EFCAB14: variants seen among roughly 807,000 people sequenced by gnomAD.
EFCAB14 encodes the protein EF-hand calcium-binding domain-containing protein 14.
Under a neutral mutation model 56.5 loss-of-function variants are expected in EFCAB14, and 43 were observed. The ratio of observed to expected loss-of-function variants is 0.76; its 90% CI spans 0.60 to 0.98. EFCAB14 has a LOEUF of 0.98. Ranked by LOEUF, EFCAB14 falls within the 50% of genes least tolerant of loss-of-function variation. The pLI, the probability that EFCAB14 is intolerant of heterozygous loss-of-function variation, is 0.00. For missense variants in EFCAB14, 538 were observed against 580.3 expected (o/e 0.93, Z 0.75); for synonymous variants, 235 against 212.9 (o/e 1.10, Z -0.90).
Position 46,678,394 on chromosome 1 carries a change from T to C in EFCAB14, c.*67A>G. On this transcript the variant is annotated 3_prime_UTR_variant, in exon 11 of 11. Transcript: ENST00000371933. ...GAGGACTAGAGGACTGATGGGTAAG[T>C]AAGGGTTGTTTTGTTGTTAGGTAAA... The C allele has an allele frequency of 6.4e-7, 1 of 1,568,670 alleles. No homozygotes were observed.
chr1:46,712,773 C>T (rs562443826), intron 2 of EFCAB14, among the ~76,000 whole-genome samples: 91 of 151,964 alleles, frequency 6.0e-4, no homozygotes, highest in African/African-American at 2.0e-3. Context: ...TTTGGGAGGC[C>T]GAGAAGAGTG....
At chr1:46,685,147 T>G (rs113956143) in intron 8 of EFCAB14, 31 of 152,504 alleles carry the variant, frequency 2.0e-4, no homozygotes, top group African/African-American at 7.5e-4. Context: ...TGGCAGAAAC[T>G]GTTAAGACAT....
At position 46,675,523 on chromosome 1, in the gene EFCAB14, A is replaced by T. The variant is rs1676679660; in HGVS notation, c.*2938T>A. 6.5e-6 allele frequency: 1 copy of T among 152,712 alleles called. No homozygotes were observed. Among genetic ancestry groups the T allele is most frequent in the African/African-American group, 2.4e-5 (1 of 41,464 alleles). 9.5% of individuals were successfully genotyped at this position (152,712 alleles called of 1,614,324 possible). ...GTCACTAAAAACAACTCAACAGGCC[A>T]TTATGAGTATGAGCCCATCACAGCC... On this transcript the variant is annotated 3_prime_UTR_variant, in exon 11 of 11. Coordinates refer to ENST00000371933, the MANE Select transcript of EFCAB14 (RefSeq NM_014774.3).
chr1:46,689,451 CCT>C, intron 6 of EFCAB14, 134 bp downstream of exon 6: 1 of 729,706 alleles, frequency 1.4e-6, no homozygotes, highest in Non-Finnish European at 2.3e-6. Flanking sequence ...AACACACATT[CCT>C]CTCTGCTCAG....
rs367944001 is a variant in EFCAB14 at position 46,686,796 on chromosome 1, G to C, written c.1062C>G (p.Ile354Met). ...QVTNRTDTVK[I>M]QSIKKEDSSN... Reference sequence around the variant, plus strand: ...TCCCATTATTTACCTTTATGCTTTGGATTTTTACTGTATCTGTTCTGTTGG... The same window carrying C: ...TCCCATTATTTACCTTTATGCTTTGCATTTTTACTGTATCTGTTCTGTTGG... Residue 354 changes from isoleucine to methionine, a missense_variant, in exon 8 of 11, where the codon ATC becomes ATG. Ile to Met is a conservative substitution (Grantham distance 10). Transcript: ENST00000371933. 1.2e-6 allele frequency: 2 copies of C among 1,613,608 alleles called. No individual in the cohort carries two copies. The highest frequency in any genetic ancestry group is 1.7e-6 in the Non-Finnish European group (2 of 1,179,770).
At position 46,706,059 on chromosome 1, in the gene EFCAB14, G is replaced by T. The variant is rs1336567465; in HGVS notation, c.480+1847C>A. 4.6e-5 allele frequency among the ~76,000 whole-genome samples: 7 copies of T among 151,978 alleles called. No individual in the cohort carries two copies. The South Asian group carries it at 1.2e-3, about 27-fold the overall frequency. ...ATTTTTATTTTTTTCTAGAGACAGG[G>T]TCTTGCTTTGTTGCCCAGGCTGATC... On this transcript the variant is annotated intron_variant, in intron 3 of 10. Transcript: ENST00000371933.
intron 9 of EFCAB14, 193 bp downstream of exon 9, chr1:46,684,298 A>G (rs948499991): frequency 1.1e-5 from 6 of 553,338 alleles, no homozygotes; most frequent in Non-Finnish European, 1.9e-5. Context: ...TTCCCTTAAT[A>G]GACTAGAGTA....
intron 10 of EFCAB14, 144 bp downstream of exon 10, chr1:46,683,156 A>G: frequency 1.1e-6 from 1 of 897,886 alleles, no homozygotes; most frequent in Non-Finnish European, 1.7e-6. Flanking sequence ...TCAGGATTAT[A>G]TGACATAATG....
intron 2 of EFCAB14, among the ~76,000 whole-genome samples, chr1:46,708,617 A>AG (rs950120440): frequency 4.6e-5 from 7 of 152,240 alleles, no homozygotes; most frequent in African/African-American, 1.7e-4. Flanking sequence ...GTCAACTGCA[A>AG]GGGGGAGGTT....
chr1:46,679,599 G>GTTTTTTTTTTTTTTT (rs60875639), intron 10 of EFCAB14, among the ~76,000 whole-genome samples: 2 of 36,522 alleles, frequency 5.5e-5, no homozygotes, highest in Non-Finnish European at 9.7e-5. Context: ...CACCACGCCT[G>GTTTTTTTTTTTTTTT]TTTTTTTTTT....
intron 3 of EFCAB14, among the ~76,000 whole-genome samples, chr1:46,704,333 G>C (rs1381425301): frequency 6.6e-6 from 1 of 151,990 alleles, no homozygotes; most frequent in Admixed American, 6.6e-5. Flanking sequence ...AAATTAGCCA[G>C]ATATGGTGGT....
intron 3 of EFCAB14, among the ~76,000 whole-genome samples, chr1:46,697,856 T>C (rs35237967): frequency 0.011 from 835 of 73,312 alleles, 5 homozygotes; most frequent in African/African-American, 0.039. Context: ...CTCTCTCTCT[T>C]TTTTTTTTTT....
chr1:46,682,897 C>T (rs1479106684), intron 10 of EFCAB14, among the ~76,000 whole-genome samples: 2 of 152,116 alleles, frequency 1.3e-5, no homozygotes, highest in African/African-American at 4.8e-5. Context: ...TGGTGGCACA[C>T]ACCTGTCCCA....
chr1:46,710,619 T>C (rs1180447976), intron 2 of EFCAB14, among the ~76,000 whole-genome samples: 3 of 152,218 alleles, frequency 2.0e-5, no homozygotes, highest in Non-Finnish European at 4.4e-5. Flanking sequence ...AGTGGCATGA[T>C]CATAGCTCAC....
rs141970827 is a variant in EFCAB14 at position 46,687,676 on chromosome 1, G to C, written c.987+677C>G. Among the ~76,000 whole-genome samples, 641 of 152,288 alleles carry C rather than the reference G, an allele frequency of 4.2e-3. 1 individual carries two copies. Among genetic ancestry groups the C allele is most frequent in the African/African-American group, 0.014 (589 of 41,564 alleles). Reference sequence around the variant, plus strand: ...GTGGGGGCTGCAGTTATTAAAAAAAGAATCCATGTGGATCCCTGCACAAAG... The same window carrying C: ...GTGGGGGCTGCAGTTATTAAAAAAACAATCCATGTGGATCCCTGCACAAAG... On this transcript the variant is annotated intron_variant, in intron 7 of 10. Coordinates refer to ENST00000371933, the MANE Select transcript of EFCAB14 (RefSeq NM_014774.3).
intron 2 of EFCAB14, among the ~76,000 whole-genome samples, chr1:46,709,586 CACAGAGCCAGGTACTCAGA>C (rs1443668522): frequency 6.6e-6 from 1 of 152,136 alleles, no homozygotes; most frequent in Non-Finnish European, 1.5e-5. Context: ...CAGCAGCCAG[CACAGAGCCAGGTACTCAGA>C]AGGGTTCAAA....
intron 3 of EFCAB14, among the ~76,000 whole-genome samples, chr1:46,701,531 G>A (rs1175800601): frequency 6.6e-6 from 1 of 152,200 alleles, no homozygotes; most frequent in Non-Finnish European, 1.5e-5. Flanking sequence ...ACCTCCTGAG[G>A]CTATGGCAGA....
At chr1:46,716,633 C>T (rs1024268928) in intron 1 of EFCAB14, among the ~76,000 whole-genome samples, 190 bp from the exon 2 acceptor site, 2 of 152,120 alleles carry the variant, frequency 1.3e-5, no homozygotes, top group Non-Finnish European at 2.9e-5. Flanking sequence ...CTACTGGATA[C>T]AAAGGTTTCA....
intron 4 of EFCAB14, 149 bp from the exon 5 acceptor site, chr1:46,692,086 A>T: frequency 1.8e-6 from 1 of 554,208 alleles, no homozygotes; most frequent in Non-Finnish European, 3.1e-6. Flanking sequence ...ATAAACACTC[A>T]TCACCTCTGA....
Sources: gnomAD v4.1 joint callset for allele counts (sites outside exome capture counted in the v4.1 genomes callset) on GRCh38, gnomAD v4.1.1 for gene constraint, MANE v1.5 for transcripts, NCBI Gene and HGNC (gene_info 2026-07-23, HGNC 2026-07-21) for gene names.